ANKS1B: variants seen among roughly 807,000 people sequenced by gnomAD.
ANKS1B encodes the protein ankyrin repeat and sterile alpha motif domain-containing protein 1B.
ANKS1B carries 36 observed loss-of-function variants against 148.3 expected under a neutral mutation model. The ratio of observed to expected loss-of-function variants is 0.24; its 90% CI spans 0.19 to 0.32. ANKS1B has a LOEUF of 0.32. Ranked by LOEUF, ANKS1B falls within the 10% of genes least tolerant of loss-of-function variation. The pLI is 1.00. For missense variants in ANKS1B, 1,157 were observed against 1,542.6 expected, an observed-to-expected ratio of 0.75 and a Z score of 4.19; for synonymous variants, 542 against 560.8, an observed-to-expected ratio of 0.97 and a Z score of 0.47.
chr12:98,754,192 C>T (rs2098172503), intron 25 of ANKS1B, among the ~76,000 whole-genome samples: 1 of 152,224 alleles, frequency 6.6e-6, no homozygotes, highest in Non-Finnish European at 1.5e-5. Context: ...GCAAGCTGAG[C>T]ACTTCCTTGC....
intron 3 of ANKS1B, among the ~76,000 whole-genome samples, chr12:99,808,248 T>C (rs537172272): frequency 6.6e-6 from 1 of 152,226 alleles, no homozygotes; most frequent in Non-Finnish European, 1.5e-5. Context: ...CAAATCTTAA[T>C]GTTCTAGAAA....
At position 99,081,246 on chromosome 12, in the gene ANKS1B, C is replaced by T. The variant is rs956484521; in HGVS notation, c.2625+3679G>A. ...TATGCTTTGAAGTGTGCTAACACAT[C>T]AAGATTGTACTGAGCAAAGCACCTT... On this transcript the variant is annotated intron_variant, in intron 16 of 26. Transcript: ENST00000683438. 8.6e-5 allele frequency among the ~76,000 whole-genome samples: 13 copies of T among 150,790 alleles called. 1 individual carries two copies. Among genetic ancestry groups the T allele is most frequent in the Admixed American group, 8.6e-4 (13 of 15,168 alleles).
chr12:99,168,689 G>C (rs2077442802), intron 14 of ANKS1B, among the ~76,000 whole-genome samples: 1 of 152,126 alleles, frequency 6.6e-6, no homozygotes, highest in South Asian at 2.1e-4. Flanking sequence ...CCAGCATCTA[G>C]GTAAAAGCTC....
At chr12:98,917,839 T>G (rs12367981) in intron 17 of ANKS1B, among the ~76,000 whole-genome samples, 2,547 of 152,326 alleles carry the variant, frequency 0.017, 36 homozygotes, top group Non-Finnish European at 0.029. Flanking sequence ...ATGCCAGGCA[T>G]CACACAAGGT....
intron 17 of ANKS1B, chr12:98,894,925 C>T: frequency 2.2e-6 from 2 of 910,448 alleles, no homozygotes; most frequent in South Asian, 1.0e-4. Context: ...GGCGCGTGCC[C>T]CCCACCCCCC....
chr12:99,232,376 C>T (rs1283782765), intron 14 of ANKS1B, among the ~76,000 whole-genome samples: 3 of 152,142 alleles, frequency 2.0e-5, no homozygotes, highest in Admixed American at 1.3e-4. Context: ...TAATATAGTC[C>T]ATATATCTTG....
chr12:99,980,884 A>T (rs775414614), intron 1 of ANKS1B, among the ~76,000 whole-genome samples: 1 of 152,068 alleles, frequency 6.6e-6, no homozygotes, highest in African/African-American at 2.4e-5. Flanking sequence ...GAAAAATTTT[A>T]AAATAATTAC....
chr12:99,846,086 C>T (rs964595980), intron 1 of ANKS1B, among the ~76,000 whole-genome samples: 2 of 152,008 alleles, frequency 1.3e-5, no homozygotes, highest in African/African-American at 2.4e-5. Flanking sequence ...AGAGTTTTGC[C>T]TATCCATTTA....
At chr12:99,594,354 T>A (rs766851302) in intron 9 of ANKS1B, among the ~76,000 whole-genome samples, 1 of 152,074 alleles carries the variant, frequency 6.6e-6, no homozygotes, top group African/African-American at 2.4e-5. Context: ...ATCCCACTTT[T>A]GAGTATTTAT....
rs369079969 is a variant in ANKS1B, at chr12:99,376,181, T to C, written c.1756+23450A>G. 7.0e-4 allele frequency among the ~76,000 whole-genome samples: 107 copies of C among 152,340 alleles called. 2 individuals carry two copies. The South Asian group carries it at 0.021, about 30-fold the overall frequency. ...TATGACCTCAGACATGCATCAGAACTCAATGCATATGATAAAACATTATCA... is the reference window on the plus strand; with the variant it reads ...TATGACCTCAGACATGCATCAGAACCCAATGCATATGATAAAACATTATCA... On this transcript the variant is annotated intron_variant, in intron 12 of 26. Coordinates refer to ENST00000683438, the MANE Select transcript of ANKS1B (RefSeq NM_001352186.2).
At chr12:99,546,661 C>T (rs374379003) in intron 9 of ANKS1B, among the ~76,000 whole-genome samples, 1 of 152,118 alleles carries the variant, frequency 6.6e-6, no homozygotes, top group Admixed American at 6.6e-5. Flanking sequence ...GAAGGCTAGA[C>T]CACCCTCTGA....
intron 12 of ANKS1B, among the ~76,000 whole-genome samples, chr12:99,349,948 T>C (rs2091211693): frequency 6.6e-6 from 1 of 152,046 alleles, no homozygotes. Context: ...TGGCACATTT[T>C]ATGTTATGTA....
At chr12:99,186,929 G>A (rs973977020) in intron 14 of ANKS1B, among the ~76,000 whole-genome samples, 28 of 151,186 alleles carry the variant, frequency 1.9e-4, no homozygotes, top group Admixed American at 1.3e-3. Context: ...AAATTCCTCC[G>A]AGCTAAAGGA....
chr12:98,790,844 T>C (rs530920486), intron 22 of ANKS1B, among the ~76,000 whole-genome samples: 2 of 152,148 alleles, frequency 1.3e-5, no homozygotes, highest in Non-Finnish European at 2.9e-5. Flanking sequence ...TCAATCAACA[T>C]GTTTAGAAAG....
At chr12:98,876,216 C>T (rs1297465793) in intron 17 of ANKS1B, among the ~76,000 whole-genome samples, 9 of 152,196 alleles carry the variant, frequency 5.9e-5, no homozygotes, top group Non-Finnish European at 8.8e-5. Context: ...TACATTACCA[C>T]TGGTTGCCAC....
chr12:98,758,252 A>C (rs557048045), intron 25 of ANKS1B, among the ~76,000 whole-genome samples: 123 of 152,320 alleles, frequency 8.1e-4, no homozygotes, highest in African/African-American at 2.8e-3. Flanking sequence ...TTACGCTCAG[A>C]AAGGTTAAAT....
At chr12:99,639,895 G>A (rs1567539315) in intron 9 of ANKS1B, among the ~76,000 whole-genome samples, 2 of 152,148 alleles carry the variant, frequency 1.3e-5, no homozygotes, top group Non-Finnish European at 2.9e-5. Flanking sequence ...AGATAGGCTG[G>A]GCATGGTGGC....
chr12:99,461,506 C>A (rs924755389), intron 10 of ANKS1B, among the ~76,000 whole-genome samples: 1 of 152,160 alleles, frequency 6.6e-6, no homozygotes, highest in Non-Finnish European at 1.5e-5. Flanking sequence ...AAATGACATT[C>A]ATTCTTCCAC....
chr12:98,846,053 TCCTG>T (rs1304468488), intron 17 of ANKS1B, among the ~76,000 whole-genome samples: 2 of 151,588 alleles, frequency 1.3e-5, no homozygotes, highest in Middle Eastern at 3.4e-3. Context: ...TTTTGTTCTT[TCCTG>T]CCTAAGGGTG....
Sources: gnomAD v4.1 joint callset for allele counts (sites outside exome capture counted in the v4.1 genomes callset) on GRCh38, gnomAD v4.1.1 for gene constraint, MANE v1.5 for transcripts, NCBI Gene and HGNC (gene_info 2026-07-23, HGNC 2026-07-21) for gene names.